The following DEDD2 variants were observed in gnomAD, a reference collection of about 807,000 sequenced individuals.
DEDD2 encodes DNA-binding death effector domain-containing protein 2.
Under a neutral mutation model 28.9 loss-of-function variants are expected in DEDD2, and 18 were observed. The ratio of observed to expected loss-of-function variants is 0.62; its 90% CI spans 0.43 to 0.92. The LOEUF is 0.92. Among genes scored for constraint, DEDD2 ranks in the 40% least tolerant of loss-of-function variants. The probability of loss-of-function intolerance (pLI) is 0.00; values close to 1 mark genes in which losing one functional copy is unlikely to be tolerated. For synonymous variants in DEDD2, 211 were observed against 206.1 expected (o/e 1.02, Z -0.20); for missense variants, 411 against 463.3 (o/e 0.89, Z 1.04).
intron 3 of DEDD2, among the ~76,000 whole-genome samples, chr19:42,214,524 G>A (rs1176172419): frequency 1.3e-5 from 2 of 152,132 alleles, no homozygotes; most frequent in African/African-American, 2.4e-5. Context: ...CACTTTGGGA[G>A]GCTGAGGTGG....
chr19:42,206,007 C>T (rs1021573994), intron 4 of DEDD2, among the ~76,000 whole-genome samples: 2 of 151,822 alleles, frequency 1.3e-5, no homozygotes, highest in Non-Finnish European at 2.9e-5. Context: ...ATCACTTGAC[C>T]TGGGAAGCGG....
At chr19:42,206,237 G>A (rs977292462) in intron 4 of DEDD2, among the ~76,000 whole-genome samples, 7 of 151,096 alleles carry the variant, frequency 4.6e-5, no homozygotes, top group Admixed American at 4.6e-4. Flanking sequence ...ACCTCCTAGG[G>A]GTCTCCACCC....
chr19:42,205,288 A>G (rs1048198324), intron 4 of DEDD2, among the ~76,000 whole-genome samples: 18 of 152,232 alleles, frequency 1.2e-4, no homozygotes, highest in African/African-American at 4.1e-4. Context: ...AGCACCGATC[A>G]GATATTTGAT....
intron 4 of DEDD2, among the ~76,000 whole-genome samples, chr19:42,201,026 C>T (rs1193462436): frequency 6.6e-6 from 1 of 152,230 alleles, no homozygotes; most frequent in African/African-American, 2.4e-5. Context: ...CAGCAGCCAA[C>T]ACTTACAGAG....
At position 42,198,961 on chromosome 19, in the gene DEDD2, G is replaced by C. The variant is rs2035212729; in HGVS notation, c.*477C>G. The C allele has an allele frequency of 1.3e-5, 2 of 156,590 alleles. No individual in the cohort carries two copies. The highest frequency in any genetic ancestry group is 4.8e-5 in the African/African-American group (2 of 41,660). The allele number at this position is 156,590 out of a possible 1,614,324, so 9.7% of individuals were successfully genotyped here. On this transcript the variant is annotated 3_prime_UTR_variant, in exon 5 of 5. Coordinates refer to ENST00000596251, the MANE Select transcript of DEDD2 (RefSeq NM_133328.4). ...GATGTGGCTGAAGCCCAGGTTGGTT[G>C]TGGTCAAATTAGAGGTCCTGAGAGA...
chr19:42,212,926 G>A (rs988810041), intron 3 of DEDD2, among the ~76,000 whole-genome samples: 13 of 152,078 alleles, frequency 8.5e-5, no homozygotes, highest in African/African-American at 3.1e-4. Flanking sequence ...AATACTAACA[G>A]AAACTTTTTG....
intron 2 of DEDD2, 129 bp from the exon 3 acceptor site, chr19:42,215,381 A>C: frequency 4.8e-5 from 56 of 1,165,132 alleles, no homozygotes; most frequent in Non-Finnish European, 6.6e-5. Context: ...ACTCATTCTC[A>C]AACACCTCCT....
chr19:42,217,075 T>C (rs897908018), intron 1 of DEDD2, 30 bp from the exon 2 acceptor site: 3 of 1,481,094 alleles, frequency 2.0e-6, no homozygotes, highest in Admixed American at 2.0e-5. Flanking sequence ...GAGGGGGCAG[T>C]GGTCAGCGAC....
At chr19:42,207,901 C>T (rs953216814) in intron 4 of DEDD2, among the ~76,000 whole-genome samples, 2 of 151,956 alleles carry the variant, frequency 1.3e-5, no homozygotes, top group Admixed American at 6.6e-5. Flanking sequence ...GGACGTTGTA[C>T]GCATGAGTCA....
upstream of DEDD2, among the ~76,000 whole-genome samples, chr19:42,219,109 A>C (rs934514792): frequency 2.6e-5 from 4 of 152,008 alleles, no homozygotes; most frequent in African/African-American, 7.3e-5. Flanking sequence ...GTTCGAGACC[A>C]GTCTGACCAA....
rs766298008 is a variant in DEDD2 at position 42,199,457 on chromosome 19, C to T, written c.962G>A (p.Arg321His). The T allele has an allele frequency of 1.6e-5, 25 of 1,603,098 alleles. No homozygotes were observed. Among genetic ancestry groups the T allele is most frequent in the Admixed American group, 3.4e-5 (2 of 58,904 alleles). ...CCTGGATCAGGAGGCCTCTGTCGGG[C>T]GCCGCCCCCCTTCCTCCTCCATCAG... is the stretch of plus-strand genomic sequence containing the variant. ...LLLMEEEGGR[R>H]PTEAS is the part of the protein sequence containing the mutation. Residue 321 changes from arginine to histidine, a missense_variant, in exon 5 of 5, where the codon CGC becomes CAC. Coordinates refer to ENST00000596251, the MANE Select transcript of DEDD2 (RefSeq NM_133328.4). This position sits in a 1 kb window ranked among gnomAD's most constrained non-coding sequence, Gnocchi z 7.4.
intron 3 of DEDD2, among the ~76,000 whole-genome samples, chr19:42,214,197 T>C (rs1426707525): frequency 6.6e-6 from 1 of 152,208 alleles, no homozygotes; most frequent in East Asian, 1.9e-4. Context: ...GGCTCAAGCC[T>C]GTAATCCCAA....
At chr19:42,208,690 C>G (rs1471473013) in intron 4 of DEDD2, among the ~76,000 whole-genome samples, 1 of 152,222 alleles carries the variant, frequency 6.6e-6, no homozygotes, top group Non-Finnish European at 1.5e-5. Context: ...CTCCCACCCT[C>G]TCTTGGTGGC....
In DEDD2 at chr19:42,199,917, C is replaced by G; in HGVS notation, c.590-88G>C. The G allele has an allele frequency of 6.8e-7, 1 of 1,468,514 alleles. No individual in the cohort carries two copies. Among genetic ancestry groups the G allele is most frequent in the Non-Finnish European group, 9.1e-7 (1 of 1,104,948 alleles). 91.0% of individuals were successfully genotyped at this position (1,468,514 alleles called of 1,614,324 possible). A position where few individuals can be genotyped will look rare whatever the true frequency, so the allele number is the denominator to read the frequency against. On this transcript the variant is annotated intron_variant, in intron 4 of 4. Transcript: ENST00000596251. This position sits in a 1 kb window ranked among gnomAD's most constrained non-coding sequence, Gnocchi z 7.4. ...CCACCCTTCCTCCCTCCAGCCTTCT[C>G]CCTCCACCCCCTTCCGGTAGCCACA...
intron 3 of DEDD2, among the ~76,000 whole-genome samples, chr19:42,211,064 T>G (rs2035740547): frequency 7.2e-6 from 1 of 138,752 alleles, no homozygotes; most frequent in South Asian, 2.3e-4. Flanking sequence ...TGTGAGACCC[T>G]GTCTCAAAAA....
chr19:42,209,499 A>G (rs145914965), intron 4 of DEDD2, among the ~76,000 whole-genome samples: 1 of 152,214 alleles, frequency 6.6e-6, no homozygotes, highest in African/African-American at 2.4e-5. Context: ...AGGAGGTGGC[A>G]CAAGATCTGA....
intron 4 of DEDD2, 82 bp downstream of exon 4, chr19:42,209,618 C>A (rs927163964): frequency 1.3e-6 from 2 of 1,499,294 alleles, no homozygotes; most frequent in African/African-American, 2.9e-5. Context: ...TGTCACATCC[C>A]CCAGAAAAAT....
intron 2 of DEDD2, 110 bp from the exon 3 acceptor site, chr19:42,215,362 C>T: frequency 7.4e-7 from 1 of 1,347,806 alleles, no homozygotes; most frequent in Non-Finnish European, 1.0e-6. Context: ...AGTCAGAGCC[C>T]AAATACCCAC....
intron 3 of DEDD2, among the ~76,000 whole-genome samples, chr19:42,210,272 A>G (rs374020725): frequency 6.6e-6 from 1 of 152,232 alleles, no homozygotes; most frequent in East Asian, 1.9e-4. Context: ...TGTACTTTGC[A>G]TAAGGAGGGA....
Sources: gnomAD v4.1 joint callset for allele counts (sites outside exome capture counted in the v4.1 genomes callset) on GRCh38, gnomAD v4.1.1 for gene constraint, Gnocchi (gnomAD v3.1) non-coding constraint, MANE v1.5 for transcripts, NCBI Gene and HGNC (gene_info 2026-07-23, HGNC 2026-07-21) for gene names.